The following CACNA2D1 variants were observed in gnomAD, a reference collection of about 807,000 sequenced individuals.
CACNA2D1 encodes calcium voltage-gated channel auxiliary subunit alpha2delta 1, also known as voltage-dependent calcium channel subunit alpha-2/delta-1.
A neutral mutation model predicts 171.5 loss-of-function variants in CACNA2D1; 53 were observed. The observed-to-expected ratio is 0.31, with a 90% CI of 0.25 to 0.39. The LOEUF is 0.39. Ranked by LOEUF, CACNA2D1 falls within the 10% of genes least tolerant of loss-of-function variation. The probability of loss-of-function intolerance (pLI) is 1.00; values close to 1 mark genes in which losing one functional copy is unlikely to be tolerated. For missense variants in CACNA2D1, 903 were observed against 1,299.8 expected, an observed-to-expected ratio of 0.69 and a Z score of 4.69; for synonymous variants, 442 against 443.1, an observed-to-expected ratio of 1.00 and a Z score of 0.03.
intron 1 of CACNA2D1, among the ~76,000 whole-genome samples, chr7:82,439,542 C>T (rs1419596063): frequency 6.6e-6 from 1 of 151,634 alleles, no homozygotes; most frequent in Non-Finnish European, 1.5e-5. Flanking sequence ...AATAAAGGCA[C>T]ATTTCATTTC....
chr7:82,246,125 G>GA (rs1012148471), intron 3 of CACNA2D1, among the ~76,000 whole-genome samples: 2 of 150,660 alleles, frequency 1.3e-5, no homozygotes, highest in African/African-American at 2.4e-5. Context: ...GTTTATTGTA[G>GA]AAAAAAAACT....
chr7:82,279,462 T>A (rs142956297), intron 3 of CACNA2D1, among the ~76,000 whole-genome samples: 1 of 152,312 alleles, frequency 6.6e-6, no homozygotes, highest in African/African-American at 2.4e-5. Context: ...TCTGTAGTTG[T>A]TATAATCCAA....
At chr7:82,034,763 T>A (rs1027049740) in intron 11 of CACNA2D1, among the ~76,000 whole-genome samples, 6 of 152,032 alleles carry the variant, frequency 3.9e-5, no homozygotes, top group African/African-American at 1.4e-4. Flanking sequence ...GTACTGAAAG[T>A]ACTATTATTG....
chr7:82,310,502 T>A (rs1220269656), intron 3 of CACNA2D1, among the ~76,000 whole-genome samples: 1 of 152,084 alleles, frequency 6.6e-6, no homozygotes, highest in African/African-American at 2.4e-5. Flanking sequence ...AATAAATTTA[T>A]TAATATGGTT....
chr7:82,438,413 A>T (rs894145515), intron 1 of CACNA2D1, among the ~76,000 whole-genome samples: 1 of 152,242 alleles, frequency 6.6e-6, no homozygotes, highest in African/African-American at 2.4e-5. Flanking sequence ...TTATCTAATT[A>T]TACGATGTTA....
chr7:82,170,716 A>G, intron 3 of CACNA2D1, 107 bp from the exon 4 acceptor site: 1 of 944,376 alleles, frequency 1.1e-6, no homozygotes, highest in Non-Finnish European at 1.7e-6. Context: ...AAAAAGCAGA[A>G]GATGATCCTT....
chr7:82,286,930 C>T (rs965219939), intron 3 of CACNA2D1, among the ~76,000 whole-genome samples: 4 of 152,234 alleles, frequency 2.6e-5, no homozygotes, highest in Middle Eastern at 3.4e-3. Flanking sequence ...AAAAGCACAG[C>T]AGGTCCAGGG....
intron 3 of CACNA2D1, among the ~76,000 whole-genome samples, chr7:82,256,721 G>A (rs1806355295): frequency 6.6e-6 from 1 of 152,060 alleles, no homozygotes; most frequent in Admixed American, 6.6e-5. Flanking sequence ...TAAGGACGAA[G>A]ACCCTTAATG....
At chr7:82,314,928 G>A (rs1814923669) in intron 3 of CACNA2D1, among the ~76,000 whole-genome samples, 1 of 151,634 alleles carries the variant, frequency 6.6e-6, no homozygotes, top group South Asian at 2.1e-4. Context: ...TAAAGAAACA[G>A]GGACCAAAAA....
intron 7 of CACNA2D1, 72 bp from the exon 8 acceptor site, chr7:82,066,596 A>G (rs1807657770): frequency 6.6e-7 from 1 of 1,515,384 alleles, no homozygotes; most frequent in Non-Finnish European, 8.8e-7. Flanking sequence ...GAGACTTTAA[A>G]AATCACAAAA....
intron 3 of CACNA2D1, among the ~76,000 whole-genome samples, chr7:82,217,595 G>A (rs1801285301): frequency 6.9e-6 from 1 of 144,532 alleles, no homozygotes; most frequent in South Asian, 2.2e-4. Context: ...TTATACTGTT[G>A]CCAAAAACTG....
At chr7:82,107,578 A>T (rs1047833722) in intron 6 of CACNA2D1, among the ~76,000 whole-genome samples, 1 of 140,448 alleles carries the variant, frequency 7.1e-6, no homozygotes, top group Non-Finnish European at 1.5e-5. Context: ...TATTACAATG[A>T]AAATAAACTT....
At chr7:82,323,624 A>G (rs771748496) in intron 3 of CACNA2D1, among the ~76,000 whole-genome samples, 12 of 152,194 alleles carry the variant, frequency 7.9e-5, no homozygotes, top group South Asian at 2.1e-4. Context: ...AGAGCCTCAA[A>G]TTTACATTTT....
intron 3 of CACNA2D1, among the ~76,000 whole-genome samples, chr7:82,210,248 G>A (rs1800424457): frequency 6.7e-6 from 1 of 150,216 alleles, no homozygotes; most frequent in Admixed American, 6.6e-5. Flanking sequence ...ATTTGTAATA[G>A]TTTGAAACTA....
intron 2 of CACNA2D1, among the ~76,000 whole-genome samples, chr7:82,346,605 C>T (rs1235098101): frequency 6.6e-6 from 1 of 151,898 alleles, no homozygotes; most frequent in African/African-American, 2.4e-5. Flanking sequence ...GAAATACAAA[C>T]AAACCATTTC....
intron 1 of CACNA2D1, among the ~76,000 whole-genome samples, chr7:82,412,319 G>A (rs951450074): frequency 2.0e-5 from 2 of 101,832 alleles, no homozygotes; most frequent in African/African-American, 8.0e-5. Flanking sequence ...GCCTTGCTTT[G>A]TCACCCAGGC....
chr7:82,348,307 G>A (rs1198185533), intron 2 of CACNA2D1, among the ~76,000 whole-genome samples: 1 of 152,064 alleles, frequency 6.6e-6, no homozygotes, highest in Non-Finnish European at 1.5e-5. Context: ...TTCCCACAGT[G>A]AATCATTGCA....
chr7:82,003,313 A>AAT (rs1178841202), intron 18 of CACNA2D1, among the ~76,000 whole-genome samples: 1 of 152,084 alleles, frequency 6.6e-6, no homozygotes, highest in Non-Finnish European at 1.5e-5. Flanking sequence ...ATAAAATCCA[A>AAT]ATATAAAGAT....
intron 1 of CACNA2D1, among the ~76,000 whole-genome samples, chr7:82,372,002 T>C (rs774931209): frequency 2.0e-5 from 3 of 152,224 alleles, no homozygotes; most frequent in Non-Finnish European, 4.4e-5. Flanking sequence ...CTATGAAATG[T>C]TTAACATGCA....
Sources: gnomAD v4.1 joint callset for allele counts (sites outside exome capture counted in the v4.1 genomes callset) on GRCh38, gnomAD v4.1.1 for gene constraint, MANE v1.5 for transcripts, NCBI Gene and HGNC (gene_info 2026-07-23, HGNC 2026-07-21) for gene names.